Variants in ENTPD3 observed in about 807,000 individuals in gnomAD.
The protein encoded by ENTPD3 is ectonucleoside triphosphate diphosphohydrolase 3.
Under a neutral mutation model 51.2 loss-of-function variants are expected in ENTPD3, and 60 were observed. The ratio of observed to expected loss-of-function variants is 1.17; its 90% CI spans 0.95 to 1.45. ENTPD3 has a LOEUF of 1.45. Ranked by LOEUF, ENTPD3 falls within the 40% of genes most tolerant of loss-of-function variation. ENTPD3 has a pLI of 0.00. For synonymous variants in ENTPD3, 221 were observed against 238.4 expected (o/e 0.93, Z 0.67); for missense variants, 593 against 641.1 (o/e 0.93, Z 0.81).
In ENTPD3 at chr3:40,387,982, G is replaced by A. The variant is rs533795139; in HGVS notation, c.-12-64G>A. 107 of 1,389,524 alleles carry A rather than the reference G, an allele frequency of 7.7e-5. 1 individual carries two copies. The East Asian group carries it at 2.5e-3, about 32-fold the overall frequency. The allele number at this position is 1,389,524 out of a possible 1,614,324, so 86.1% of individuals were successfully genotyped here. A position where few individuals can be genotyped will look rare whatever the true frequency, so the allele number is the denominator to read the frequency against. On this transcript the variant is annotated intron_variant, in intron 1 of 10. Transcript: ENST00000301825. Reference sequence around the variant, plus strand: ...ATGGGTTTTGTCTTAACCTGGGCTCGTTCTTTAAACTTGTGAGGCCGGGGC... The same window carrying A: ...ATGGGTTTTGTCTTAACCTGGGCTCATTCTTTAAACTTGTGAGGCCGGGGC...
At chr3:40,405,437 A>G (rs1955467750) in intron 4 of ENTPD3, among the ~76,000 whole-genome samples, 1 of 151,948 alleles carries the variant, frequency 6.6e-6, no homozygotes, top group Admixed American at 6.6e-5. Context: ...CCCAGAAGGC[A>G]GAAGTTGCAG....
At chr3:40,389,520 G>C (rs1405265974) in intron 2 of ENTPD3, among the ~76,000 whole-genome samples, 1 of 152,226 alleles carries the variant, frequency 6.6e-6, no homozygotes, top group East Asian at 1.9e-4. Flanking sequence ...GAGTGATTGT[G>C]AGTCAGATGG....
In ENTPD3 at chr3:40,388,063, C is replaced by A; in HGVS notation, c.6C>A (p.Phe2Leu). Residue 2 changes from phenylalanine to leucine, a missense_variant, in exon 2 of 11, where the codon TTC becomes TTA. Phe to Leu is a conservative substitution (Grantham distance 22). Coordinates refer to ENST00000301825, the MANE Select transcript of ENTPD3 (RefSeq NM_001248.4). M[F>L]TVLTRQPCEQ... The stretch of plus-strand genomic sequence containing the variant: ...ACCTGCAGCTAGGAGAAAAGATGTT[C>A]ACTGTGCTGACCCGCCAACCATGTG... The A allele has an allele frequency of 6.2e-7, 1 of 1,614,050 alleles. No individual in the cohort carries two copies. The highest frequency in any genetic ancestry group is 1.1e-5 in the South Asian group (1 of 91,050).
At chr3:40,425,358 G>A (rs12491944) in intron 10 of ENTPD3, among the ~76,000 whole-genome samples, 39,365 of 151,904 alleles carry the variant, frequency 0.26, 5,957 homozygotes, top group East Asian at 0.48. Context: ...GAAGGTTGCC[G>A]TGAGCCGAGA....
Position 40,415,908 on chromosome 3 carries a change from T to C in ENTPD3, c.666T>C (p.Gly222=), listed in dbSNP as rs1317556471. 3 of 1,614,108 alleles carry C rather than the reference T, an allele frequency of 1.9e-6. No individual in the cohort carries two copies. Among genetic ancestry groups the C allele is most frequent in the Non-Finnish European group, 2.5e-6 (3 of 1,180,008 alleles). Residue 222 remains glycine, a synonymous_variant, in exon 7 of 11, where the codon GGT becomes GGC. Coordinates refer to ENST00000301825, the MANE Select transcript of ENTPD3 (RefSeq NM_001248.4). ...CCACGGGTGCCCTGGACTTAGGTGGTGCCTCCACCCAAATATCCTTCGTGG... is the reference window on the plus strand; with the variant it reads ...CCACGGGTGCCCTGGACTTAGGTGGCGCCTCCACCCAAATATCCTTCGTGG... ...VETTGALDLG[G]ASTQISFVAG...
chr3:40,403,686 T>C (rs1415896190), intron 4 of ENTPD3, among the ~76,000 whole-genome samples: 3 of 151,614 alleles, frequency 2.0e-5, no homozygotes, highest in African/African-American at 7.3e-5. Context: ...AGGGTCTCAT[T>C]CTGTCTCCCA....
intron 4 of ENTPD3, among the ~76,000 whole-genome samples, chr3:40,410,592 T>C (rs1318157731): frequency 2.0e-5 from 3 of 152,104 alleles, no homozygotes; most frequent in Non-Finnish European, 4.4e-5. Context: ...AATCCCTATA[T>C]ATTTTTTTTA....
chr3:40,421,356 A>G (rs992405626), intron 7 of ENTPD3, among the ~76,000 whole-genome samples: 5 of 152,190 alleles, frequency 3.3e-5, no homozygotes, highest in Non-Finnish European at 7.3e-5. Context: ...GGGAAGCAGT[A>G]TGCCTTAGTG....
rs1320409740 is a variant in ENTPD3, at chr3:40,427,662, C to T, written c.*154C>T. The T allele has an allele frequency of 1.6e-6, 1 of 634,676 alleles. No homozygotes were observed. Among genetic ancestry groups the T allele is most frequent in the African/African-American group, 1.8e-5 (1 of 55,192 alleles). 39.3% of individuals were successfully genotyped at this position (634,676 alleles called of 1,614,324 possible). A position where few individuals can be genotyped will look rare whatever the true frequency, so the allele number is the denominator to read the frequency against. ...TCTCAAATACTGATTTCTGCCACAG[C>T]ACCTCTTGAGGCATCCCTTGGCTAT... On this transcript the variant is annotated 3_prime_UTR_variant, in exon 11 of 11. Coordinates refer to ENST00000301825, the MANE Select transcript of ENTPD3 (RefSeq NM_001248.4).
At chr3:40,391,725 T>A (rs1955060217) in intron 2 of ENTPD3, 2 of 410,570 alleles carry the variant, frequency 4.9e-6, no homozygotes, top group Admixed American at 9.0e-5. Flanking sequence ...CAAATGTTAT[T>A]GTAATTCATC....
At chr3:40,391,168 T>C (rs1955046373) in intron 2 of ENTPD3, 1 of 151,894 alleles carries the variant, frequency 6.6e-6, no homozygotes, top group Admixed American at 6.6e-5. Context: ...TTCACCATAT[T>C]GGCCAGGCTG....
In ENTPD3 at chr3:40,427,867, C is replaced by T. The variant is rs1956014184; in HGVS notation, c.*359C>T. The T allele has an allele frequency of 1.6e-5, 4 of 256,622 alleles. No individual in the cohort carries two copies. In the South Asian group the frequency reaches 1.9e-4, roughly 12 times the overall value. The allele number at this position is 256,622 out of a possible 1,614,324, so 15.9% of individuals were successfully genotyped here. On this transcript the variant is annotated 3_prime_UTR_variant, in exon 11 of 11. Coordinates refer to ENST00000301825, the MANE Select transcript of ENTPD3 (RefSeq NM_001248.4). The stretch of plus-strand genomic sequence containing the variant: ...CTCAGGGCTCAGTTTCCATTTCCCT[C>T]CCTCAGTATTCTTCCTGGCAAGATA...
intron 4 of ENTPD3, among the ~76,000 whole-genome samples, chr3:40,402,628 T>C (rs1021424730): frequency 6.6e-6 from 1 of 152,186 alleles, no homozygotes; most frequent in Non-Finnish European, 1.5e-5. Flanking sequence ...ATTATTATTA[T>C]CATATTATTG....
At chr3:40,401,089 C>A in intron 4 of ENTPD3, 78 bp downstream of exon 4, 1 of 529,114 alleles carries the variant, frequency 1.9e-6, no homozygotes, top group Non-Finnish European at 2.9e-6. Flanking sequence ...CTGGAGAGGT[C>A]CTGAGATGTT....
chr3:40,389,793 A>C (rs1955013749), intron 2 of ENTPD3, among the ~76,000 whole-genome samples: 1 of 152,222 alleles, frequency 6.6e-6, no homozygotes, highest in Non-Finnish European at 1.5e-5. Context: ...GGCTGAATCT[A>C]ATTATATCGT....
chr3:40,387,772 A>C (rs1040590921), intron 1 of ENTPD3, among the ~76,000 whole-genome samples: 19 of 152,184 alleles, frequency 1.2e-4, no homozygotes, highest in Non-Finnish European at 1.0e-4. Flanking sequence ...CAGGTGGAAC[A>C]ATCTGCAGAA....
intron 10 of ENTPD3, chr3:40,425,070 G>A (rs894623169): frequency 4.8e-5 from 12 of 249,754 alleles, no homozygotes; most frequent in African/African-American, 2.7e-4. Flanking sequence ...TAAGTTAAAA[G>A]TTCCCTTTTT....
At chr3:40,406,146 T>C (rs762625727) in intron 4 of ENTPD3, among the ~76,000 whole-genome samples, 1 of 152,154 alleles carries the variant, frequency 6.6e-6, no homozygotes, top group African/African-American at 2.4e-5. Flanking sequence ...TTGAACAGGA[T>C]TGTCAGGGAA....
intron 2 of ENTPD3, among the ~76,000 whole-genome samples, chr3:40,389,949 AATG>A (rs1319186646): frequency 1.3e-5 from 2 of 152,212 alleles, no homozygotes; most frequent in African/African-American, 4.8e-5. Context: ...ATCTTCCTAT[AATG>A]ATGAAAATGT....
Sources: allele counts gnomAD v4.1 joint callset (sites outside exome capture counted in the v4.1 genomes callset), GRCh38; gene constraint gnomAD v4.1.1; transcripts MANE v1.5; gene names NCBI Gene and HGNC (gene_info 2026-07-23, HGNC 2026-07-21).